The following FRYL variants were observed in gnomAD, a reference collection of about 807,000 sequenced individuals.
FRYL encodes the protein protein furry homolog-like.
FRYL carries 150 observed loss-of-function variants against 351.2 expected under a neutral mutation model. The ratio of observed to expected loss-of-function variants is 0.43; its 90% CI spans 0.37 to 0.49. The LOEUF (loss-of-function observed/expected upper bound fraction) is 0.49, where lower values mean the gene tolerates loss of function less well. FRYL is among the 20% of genes least tolerant of loss of function. FRYL has a pLI of 0.00. For synonymous variants in FRYL, 1,153 were observed against 1,257.1 expected (o/e 0.92, Z 1.75); for missense variants, 3,036 against 3,619.3 (o/e 0.84, Z 4.13).
In FRYL at chr4:48,557,112, C is replaced by T. The variant is rs772337547; in HGVS notation, c.4132G>A (p.Asp1378Asn). ...TCCACCTCCGACCAGGCCAGTTCAT[C>T]GCCATACTAGATGCAATATGCACAA... ...NLMYMTAKYG[D>N]ELAWSEVENV... The change falls in exon 35 of 64, where the codon GAT (aspartate) becomes AAT (asparagine). Residue 1378 changes from aspartate to asparagine, a missense_variant. Around this residue, in one of 7 missense-constraint regions of FRYL, gnomAD observed 1,987 missense variants for 2,311.7 expected, o/e 0.86. Transcript: ENST00000358350. The T allele has an allele frequency of 8.8e-6, 14 of 1,583,536 alleles. No homozygotes were observed. The highest frequency in any genetic ancestry group is 2.8e-5 in the African/African-American group (2 of 72,424).
chr4:48,502,759 C>CAAAT lies in FRYL; in HGVS notation c.8481+65_8481+68dup. The CAAAT allele has an allele frequency of 4.8e-6, 6 of 1,254,616 alleles. No individual in the cohort carries two copies. In the South Asian group the frequency reaches 7.5e-5, roughly 16 times the overall value. 77.7% of individuals were successfully genotyped at this position (1,254,616 alleles called of 1,614,324 possible). A position where few individuals can be genotyped will look rare whatever the true frequency, so the allele number is the denominator to read the frequency against. ...AAAACATTGCTGGGTCACAAATGGA[C>CAAAT]AAATGGCAGATGAAAACCAGTTTGT... On this transcript the variant is annotated intron_variant, in intron 61 of 63. Transcript: ENST00000358350.
chr4:48,569,338 C>T (rs1292376814), intron 27 of FRYL, among the ~76,000 whole-genome samples: 2 of 152,118 alleles, frequency 1.3e-5, no homozygotes, highest in African/African-American at 4.8e-5. Flanking sequence ...CGGAGTTTCA[C>T]TCTTCTCACC....
intron 56 of FRYL, among the ~76,000 whole-genome samples, chr4:48,513,956 G>T (rs1446990919): frequency 6.6e-6 from 1 of 152,180 alleles, no homozygotes. Flanking sequence ...ATTAATGATT[G>T]AGTGGTTGCA....
intron 13 of FRYL, among the ~76,000 whole-genome samples, chr4:48,597,019 A>G (rs1744724673): frequency 1.3e-5 from 2 of 152,274 alleles, no homozygotes; most frequent in South Asian, 4.1e-4. Flanking sequence ...GACTCGCAGT[A>G]TCAATCCCTG....
intron 55 of FRYL, among the ~76,000 whole-genome samples, chr4:48,516,796 T>G (rs1723718096): frequency 6.6e-6 from 1 of 152,176 alleles, no homozygotes; most frequent in Admixed American, 6.5e-5. Context: ...CAGAGTATGG[T>G]AAATGTACGG....
chr4:48,618,848 A>G (rs1485425704), intron 7 of FRYL: 1 of 154,400 alleles, frequency 6.5e-6, no homozygotes, highest in Non-Finnish European at 1.4e-5. Flanking sequence ...ACATTTGCAC[A>G]TGACAATTCA....
rs1772046407 is a variant in FRYL, at chr4:48,741,375, CTAAAAATA to C, written c.-383-30685_-383-30678del. Reference sequence around the variant, plus strand: ...CTAATACAGTGAAACCCCATCTCTACTAAAAATACAAAAAATTAGCCAGGCTTGGTGGT... The same window carrying C: ...CTAATACAGTGAAACCCCATCTCTACCAAAAAATTAGCCAGGCTTGGTGGT... On this transcript the variant is annotated intron_variant, in intron 1 of 63. Coordinates refer to ENST00000358350, the MANE Select transcript of FRYL (RefSeq NM_015030.2). Among the ~76,000 whole-genome samples, 18 of 152,002 alleles carry C rather than the reference CTAAAAATA, an allele frequency of 1.2e-4. No individual in the cohort carries two copies. In the South Asian group the frequency reaches 3.5e-3, roughly 30 times the overall value.
chr4:48,620,467 G>T (rs1750438571), intron 6 of FRYL, among the ~76,000 whole-genome samples, 172 bp downstream of exon 6: 1 of 152,110 alleles, frequency 6.6e-6, no homozygotes, highest in Admixed American at 6.5e-5. Context: ...ACCTTCTCTT[G>T]ATTTACAGTT....
At chr4:48,580,489 T>G (rs1740658791) in intron 22 of FRYL, 1 of 203,598 alleles carries the variant, frequency 4.9e-6, no homozygotes, top group African/African-American at 2.3e-5. Flanking sequence ...AGGGTGTAAG[T>G]TTTTGCTTTG....
At chr4:48,503,768 C>T (rs1374855708) in intron 60 of FRYL, among the ~76,000 whole-genome samples, 3 of 152,162 alleles carry the variant, frequency 2.0e-5, no homozygotes, top group Non-Finnish European at 4.4e-5. Flanking sequence ...TAGCTCCATG[C>T]TGCTTACCAT....
chr4:48,598,486 T>C (rs1745062169), intron 13 of FRYL, among the ~76,000 whole-genome samples: 1 of 152,176 alleles, frequency 6.6e-6, no homozygotes, highest in Admixed American at 6.5e-5. Context: ...ATATTCAAAA[T>C]CTAAGCTACT....
intron 3 of FRYL, among the ~76,000 whole-genome samples, chr4:48,654,666 T>G (rs1447485872): frequency 6.6e-6 from 1 of 152,224 alleles, no homozygotes; most frequent in African/African-American, 2.4e-5. Context: ...CTATTCTTAA[T>G]ATAGCACATA....
chr4:48,695,353 A>C (rs545582771), intron 2 of FRYL, among the ~76,000 whole-genome samples: 1 of 152,334 alleles, frequency 6.6e-6, no homozygotes, highest in South Asian at 2.1e-4. Flanking sequence ...GATAATGTGC[A>C]AACTACGCAT....
chr4:48,592,084 ATATATATATATATATAT>A (rs1560674174), intron 16 of FRYL, among the ~76,000 whole-genome samples: 10 of 15,102 alleles, frequency 6.6e-4, no homozygotes, highest in Admixed American at 1.6e-3. Context: ...TAAAGCTCTT[ATATATATATATATATAT>A]ATATATATAT....
intron 31 of FRYL, 60 bp from the exon 32 acceptor site, chr4:48,563,048 A>C: frequency 9.5e-7 from 1 of 1,055,674 alleles, no homozygotes; most frequent in Non-Finnish European, 1.4e-6. Flanking sequence ...TGCACCATTT[A>C]ATAAATATGA....
intron 3 of FRYL, among the ~76,000 whole-genome samples, chr4:48,646,688 C>T (rs1214656947): frequency 2.0e-5 from 3 of 152,262 alleles, no homozygotes; most frequent in South Asian, 2.1e-4. Context: ...CTGGCACAGG[C>T]TATGCCTACA....
At chr4:48,564,897 C>A (rs1401758863) in intron 30 of FRYL, 36 bp downstream of exon 30, 8 of 1,162,110 alleles carry the variant, frequency 6.9e-6, no homozygotes, top group Non-Finnish European at 1.0e-5. Flanking sequence ...ACAATGACAA[C>A]TTATTATGAA....
intron 3 of FRYL, among the ~76,000 whole-genome samples, chr4:48,644,404 A>G (rs1343356390): frequency 1.3e-5 from 2 of 151,984 alleles, no homozygotes; most frequent in African/African-American, 4.8e-5. Flanking sequence ...AACTATAATC[A>G]AGACATATAT....
At chr4:48,711,792 G>A (rs976390807) in intron 1 of FRYL, among the ~76,000 whole-genome samples, 4 of 152,134 alleles carry the variant, frequency 2.6e-5, no homozygotes, top group African/African-American at 9.7e-5. Flanking sequence ...CTGACCCCCC[G>A]AGCAGTCTAA....
Sources: allele counts gnomAD v4.1 joint callset (sites outside exome capture counted in the v4.1 genomes callset), GRCh38; gene constraint gnomAD v4.1.1; regional missense constraint gnomAD v4.1.1; transcripts MANE v1.5; gene names NCBI Gene and HGNC (gene_info 2026-07-23, HGNC 2026-07-21).